Variants in TACR3 observed in about 807,000 individuals in gnomAD.
TACR3 encodes neuromedin-K receptor.
TACR3 carries 34 observed loss-of-function variants against 35.0 expected under a neutral mutation model. The observed-to-expected ratio is 0.97, with a 90% CI of 0.74 to 1.30. The LOEUF (loss-of-function observed/expected upper bound fraction) is 1.30. Among genes scored for constraint, TACR3 ranks in the 50% most tolerant of loss-of-function variants. The pLI is 0.00. For synonymous variants in TACR3, 233 were observed against 221.1 expected (o/e 1.05, Z -0.48); for missense variants, 558 against 591.7 (o/e 0.94, Z 0.59).
At chr4:103,618,291 A>C (rs970373362) in intron 3 of TACR3, among the ~76,000 whole-genome samples, 1 of 152,188 alleles carries the variant, frequency 6.6e-6, no homozygotes, top group Non-Finnish European at 1.5e-5. Flanking sequence ...AATCTTCTGC[A>C]TATGGCTAGC....
Position 103,591,092 on chromosome 4 carries a change from C to T in TACR3, c.1085+395G>A. 7.7e-6 allele frequency: 2 copies of T among 261,120 alleles called. 1 individual carries two copies. Among genetic ancestry groups the T allele is most frequent in the South Asian group, 8.8e-5 (2 of 22,648 alleles). The allele number at this position is 261,120 out of a possible 1,614,324, so 16.2% of individuals were successfully genotyped here. A position where few individuals can be genotyped will look rare whatever the true frequency, so the allele number is the denominator to read the frequency against. ...AGTCCGCTCACATATGCCATCATCT[C>T]TCCATCTTATAGAAATTATTCAAGA... On this transcript the variant is annotated intron_variant, in intron 4 of 4. Coordinates refer to ENST00000304883, the MANE Select transcript of TACR3 (RefSeq NM_001059.3).
At chr4:103,621,824 T>C (rs1724787470) in intron 3 of TACR3, among the ~76,000 whole-genome samples, 1 of 152,184 alleles carries the variant, frequency 6.6e-6, no homozygotes, top group African/African-American at 2.4e-5. Context: ...AATTTTAATC[T>C]CAAGCTCAGG....
intron 1 of TACR3, among the ~76,000 whole-genome samples, chr4:103,671,412 A>G (rs1726054994): frequency 6.6e-6 from 1 of 151,940 alleles, no homozygotes; most frequent in Non-Finnish European, 1.5e-5. Flanking sequence ...TGAAACCATC[A>G]AGTCCTGGGC....
intron 3 of TACR3, among the ~76,000 whole-genome samples, chr4:103,629,845 C>CAAAAAAAAAA (rs1487546451): frequency 3.4e-5 from 2 of 59,542 alleles, no homozygotes; most frequent in Non-Finnish European, 3.2e-5. Flanking sequence ...CAATCCTAAG[C>CAAAAAAAAAA]AAAACAAAAA....
intron 3 of TACR3, among the ~76,000 whole-genome samples, chr4:103,650,016 G>A (rs1054866279): frequency 1.3e-5 from 2 of 151,956 alleles, no homozygotes; most frequent in African/African-American, 4.8e-5. Context: ...AAAGGACTTG[G>A]GTATTGTGAT....
In TACR3 at chr4:103,684,921, T is replaced by C. The variant is rs1397899539; in HGVS notation, c.549-26518A>G. On this transcript the variant is annotated intron_variant, in intron 1 of 4. Transcript: ENST00000304883. Reference sequence around the variant, plus strand: ...ATTGCTTGAACCTGGGAGGTGGAGGTTGCAGTGAACCGAGATTGCACCACT... The same window carrying C: ...ATTGCTTGAACCTGGGAGGTGGAGGCTGCAGTGAACCGAGATTGCACCACT... Among the ~76,000 whole-genome samples the C allele has an allele frequency of 2.6e-5, 4 of 151,410 alleles. No homozygotes were observed. The East Asian group carries it at 7.8e-4, about 29-fold the overall frequency.
rs572302088 is a variant in TACR3 at position 103,687,091 on chromosome 4, T to C, written c.549-28688A>G. ...TCCCTGGGATGCAAGGCTGGTTCAA[T>C]ATATGCAAATCAATAAATGTAATCC... is the stretch of plus-strand genomic sequence containing the variant. On this transcript the variant is annotated intron_variant, in intron 1 of 4. Coordinates refer to ENST00000304883, the MANE Select transcript of TACR3 (RefSeq NM_001059.3). Among the ~76,000 whole-genome samples, 115 of 150,944 alleles carry C rather than the reference T, an allele frequency of 7.6e-4. 1 individual carries two copies. Among genetic ancestry groups the C allele is most frequent in the African/African-American group, 2.7e-3 (109 of 41,132 alleles).
intron 1 of TACR3, among the ~76,000 whole-genome samples, chr4:103,703,576 C>T (rs149928627): frequency 3.9e-5 from 6 of 152,144 alleles, no homozygotes; most frequent in Non-Finnish European, 7.3e-5. Flanking sequence ...GATTAAGAAT[C>T]TGACTGTGTC....
Position 103,636,912 on chromosome 4 carries a change from C to T in TACR3, c.888+19282G>A, listed in dbSNP as rs1725206017. Among the ~76,000 whole-genome samples the T allele has an allele frequency of 3.3e-5, 5 of 152,188 alleles. No individual in the cohort carries two copies. The South Asian group carries it at 1.0e-3, about 32-fold the overall frequency. ...GGAAGAACTTGAATCTCTGAATAGA[C>T]CAATAACAGGCTCTGAAATTGTGGC... On this transcript the variant is annotated intron_variant, in intron 3 of 4. Transcript: ENST00000304883.
At chr4:103,709,258 A>G (rs1407698656) in intron 1 of TACR3, among the ~76,000 whole-genome samples, 1 of 152,204 alleles carries the variant, frequency 6.6e-6, no homozygotes, top group Non-Finnish European at 1.5e-5. Context: ...GCCAGAGAGA[A>G]AGGTCGGGTT....
At chr4:103,622,527 C>G (rs150680238) in intron 3 of TACR3, among the ~76,000 whole-genome samples, 2 of 151,986 alleles carry the variant, frequency 1.3e-5, no homozygotes, top group Non-Finnish European at 2.9e-5. Context: ...GTCAGGAGAT[C>G]GAGACCATCC....
At chr4:103,689,384 A>G (rs2110215705) in intron 1 of TACR3, among the ~76,000 whole-genome samples, 1 of 152,256 alleles carries the variant, frequency 6.6e-6, no homozygotes, top group Non-Finnish European at 1.5e-5. Context: ...CATGTACCCT[A>G]AAACTTAAAG....
At chr4:103,689,541 A>G (rs1025389019) in intron 1 of TACR3, among the ~76,000 whole-genome samples, 3 of 152,138 alleles carry the variant, frequency 2.0e-5, no homozygotes, top group African/African-American at 7.2e-5. Context: ...AACAACAACA[A>G]CAACAACAAC....
intron 1 of TACR3, among the ~76,000 whole-genome samples, chr4:103,660,850 TA>T (rs1430272983): frequency 1.3e-5 from 2 of 151,836 alleles, no homozygotes; most frequent in African/African-American, 4.8e-5. Flanking sequence ...AAGATAATAA[TA>T]AAAAAATTGA....
intron 3 of TACR3, among the ~76,000 whole-genome samples, chr4:103,600,065 G>A (rs539494527): frequency 6.6e-6 from 1 of 151,996 alleles, no homozygotes; most frequent in Non-Finnish European, 1.5e-5. Context: ...GTAGAATTCG[G>A]CTGTGAATCC....
chr4:103,719,201 G>T lies in TACR3; in HGVS notation c.475C>A (p.Arg159Ser), dbSNP rs574875874. 2 of 1,614,160 alleles carry T rather than the reference G, an allele frequency of 1.2e-6. No individual in the cohort carries two copies. The highest frequency in any genetic ancestry group is 1.3e-5 in the African/African-American group (1 of 75,022). ...SEWYFGANYC[R>S]FQNFFPITAV... ...GTGATAGGAAAGAAGTTCTGGAAGC[G>T]GCAGTAGTTGGCGCCAAAGTACCAC... Residue 159 changes from arginine (R) to serine (S), a missense_variant, in exon 1 of 5, where the codon CGC becomes AGC. By Grantham distance (110) the Arg-to-Ser change is moderately radical. Coordinates refer to ENST00000304883, the MANE Select transcript of TACR3 (RefSeq NM_001059.3).
At chr4:103,689,327 C>G (rs929758007) in intron 1 of TACR3, among the ~76,000 whole-genome samples, 4 of 151,430 alleles carry the variant, frequency 2.6e-5, no homozygotes, top group Non-Finnish European at 4.4e-5. Context: ...GTGCAGCGCA[C>G]CAGCATGTCA....
chr4:103,707,675 A>C lies in TACR3; in HGVS notation c.548+11453T>G, dbSNP rs547085148. On this transcript the variant is annotated intron_variant, in intron 1 of 4. Coordinates refer to ENST00000304883, the MANE Select transcript of TACR3 (RefSeq NM_001059.3). ...GGGTACAGGACAGTGGGTGCAGCCC[A>C]CCGAGCGAGAGCCGAGGCAGGGTGA... Among the ~76,000 whole-genome samples, 7 of 152,218 alleles carry C rather than the reference A, an allele frequency of 4.6e-5. No individual in the cohort carries two copies. In the East Asian group the frequency reaches 9.7e-4, roughly 21 times the overall value.
intron 3 of TACR3, among the ~76,000 whole-genome samples, chr4:103,594,524 T>C (rs1723963791): frequency 6.6e-6 from 1 of 152,204 alleles, no homozygotes; most frequent in African/African-American, 2.4e-5. Context: ...GATTTCATTC[T>C]AAGCAAATGT....
Sources: gnomAD v4.1 joint callset for allele counts (sites outside exome capture counted in the v4.1 genomes callset) on GRCh38, gnomAD v4.1.1 for gene constraint, MANE v1.5 for transcripts, NCBI Gene and HGNC (gene_info 2026-07-23, HGNC 2026-07-21) for gene names.